Variants in LNX1 observed in about 807,000 individuals in gnomAD.
LNX1 encodes the protein ligand of numb-protein X 1, also known as E3 ubiquitin-protein ligase LNX.
A neutral mutation model predicts 68.4 loss-of-function variants in LNX1; 54 were observed. The observed-to-expected ratio is 0.79, with a 90% confidence interval of 0.63 to 0.99. The LOEUF (loss-of-function observed/expected upper bound fraction) is 0.99, where lower values mean the gene tolerates loss of function less well. LNX1 is among the 50% of genes least tolerant of loss of function. The pLI, the probability that LNX1 is intolerant of heterozygous loss-of-function variation, is 0.00. For synonymous variants in LNX1, 336 were observed against 350.0 expected (o/e 0.96, Z 0.45); for missense variants, 906 against 926.4 (o/e 0.98, Z 0.29).
chr4:53,495,993 A>C (rs368283407), intron 6 of LNX1, 30 bp downstream of exon 6: 9 of 1,591,226 alleles, frequency 5.7e-6, no homozygotes, highest in East Asian at 2.2e-5. Context: ...GGGGTTTCTG[A>C]CTGGGATCCT....
intron 1 of LNX1, among the ~76,000 whole-genome samples, chr4:53,648,058 T>G (rs1307210147): frequency 1.3e-5 from 2 of 152,392 alleles, no homozygotes; most frequent in East Asian, 3.9e-4. Flanking sequence ...AATGCTGCCA[T>G]AAATATGGGA....
intron 1 of LNX1, among the ~76,000 whole-genome samples, chr4:53,634,202 C>T (rs1391392952): frequency 6.6e-6 from 1 of 151,726 alleles, no homozygotes; most frequent in Non-Finnish European, 1.5e-5. Context: ...TTTCACAAGC[C>T]CAGTGGAATG....
chr4:53,508,343 T>G, intron 2 of LNX1, 116 bp from the exon 3 acceptor site: 4 of 1,288,142 alleles, frequency 3.1e-6, no homozygotes, highest in Non-Finnish European at 4.2e-6. Flanking sequence ...ACTTGGAATT[T>G]GATTTGCCTG....
chr4:53,541,148 A>AAAAAAAAAAAAAAAAAG (rs1560654435), intron 2 of LNX1, among the ~76,000 whole-genome samples: 2 of 140,836 alleles, frequency 1.4e-5, no homozygotes, highest in Non-Finnish European at 1.5e-5. Flanking sequence ...AAAAAAAAAG[A>AAAAAAAAAAAAAAAAAG]AAAAAAAAAA....
At chr4:53,635,123 C>A (rs1294827616) in intron 1 of LNX1, among the ~76,000 whole-genome samples, 1 of 152,192 alleles carries the variant, frequency 6.6e-6, no homozygotes, top group East Asian at 1.9e-4. Flanking sequence ...AGCCATGGTG[C>A]CCAGCCCCTC....
intron 1 of LNX1, chr4:53,575,626 G>T (rs1461579288): frequency 2.6e-5 from 34 of 1,318,124 alleles, no homozygotes; most frequent in Non-Finnish European, 3.3e-5. Flanking sequence ...GCCCGCTTTT[G>T]GCTGCATTGG....
intron 6 of LNX1, among the ~76,000 whole-genome samples, chr4:53,484,872 T>A (rs1273451374): frequency 6.6e-6 from 1 of 152,014 alleles, no homozygotes; most frequent in Non-Finnish European, 1.5e-5. Context: ...GAAGTTGGAG[T>A]CCTCTGCCCA....
Position 53,460,864 on chromosome 4 carries a change from C to CTTA in LNX1, c.*42_*43insTAA. 7.2e-7 allele frequency: 1 copy of CTTA among 1,384,800 alleles called. No individual in the cohort carries two copies. Among genetic ancestry groups the CTTA allele is most frequent in the Non-Finnish European group, 1.0e-6 (1 of 993,174 alleles). 85.8% of individuals were successfully genotyped at this position (1,384,800 alleles called of 1,614,324 possible). ...TAAATATAGTGTTTCAACTTCTTAG[C>CTTA]CTATTTGTGATTTTTCTGTTTTCCT... On this transcript the variant is annotated 3_prime_UTR_variant, in exon 11 of 11. Transcript: ENST00000263925.
At chr4:53,595,924 A>G (rs188978208), upstream of LNX1, among the ~76,000 whole-genome samples, 1 of 152,042 alleles carries the variant, frequency 6.6e-6, no homozygotes, top group Non-Finnish European at 1.5e-5. Context: ...GAATGCCACA[A>G]TTAAAATGGA....
chr4:53,465,093 T>C lies in LNX1; in HGVS notation c.1893-3500A>G, dbSNP rs1722571828. Among the ~76,000 whole-genome samples the C allele has an allele frequency of 1.3e-5, 2 of 152,176 alleles. 1 individual carries two copies. The highest frequency in any genetic ancestry group is 1.3e-4 in the Admixed American group (2 of 15,276). ...TCCAAGCGTCTTGCATTTTGCCCTT[T>C]GATGTTATTGGCCATTGAAAAACAT... is the stretch of plus-strand genomic sequence containing the variant. On this transcript the variant is annotated intron_variant, in intron 9 of 10. Coordinates refer to ENST00000263925, the MANE Select transcript of LNX1 (RefSeq NM_001126328.3).
chr4:53,496,641 C>CT (rs1579411481), intron 5 of LNX1: 2 of 387,624 alleles, frequency 5.2e-6, no homozygotes, highest in East Asian at 7.4e-5. Context: ...CTTACCCAAG[C>CT]CCACATATTT....
At position 53,644,293 on chromosome 4, in the gene LNX1, T is replaced by A. The variant is rs558748116; in HGVS notation, c.-215+7875A>T. Among the ~76,000 whole-genome samples, 12 of 152,060 alleles carry A rather than the reference T, an allele frequency of 7.9e-5. No homozygotes were observed. In the East Asian group the frequency reaches 2.3e-3, roughly 30 times the overall value. On this transcript the variant is annotated intron_variant, in intron 1 of 2. Transcript: ENST00000507168. ...GCATGCTCCTGTAGCCCTAGCTACT[T>A]GGGAGGCTGAGGCACGAAAATCGCT...
At position 53,476,757 on chromosome 4, in the gene LNX1, G is replaced by A. The variant is rs766927614; in HGVS notation, c.1888C>T (p.Pro630Ser). The change falls in exon 9 of 11, where the codon CCA becomes TCA. Residue 630 changes from proline to serine, a missense_variant. By Grantham distance (74) the Pro-to-Ser change is moderately conservative. Transcript: ENST00000263925. ...GGATGTTGTGTTTGGACTTACCGTG[G>A]TAATTCCAGCCACATGACCCAGGAT... ...SPSWVMWLEL[P>S]RCLYNCKDIV... 2 of 1,613,880 alleles carry A rather than the reference G, an allele frequency of 1.2e-6. No individual in the cohort carries two copies. The highest frequency in any genetic ancestry group is 1.1e-5 in the South Asian group (1 of 91,072).
At chr4:53,592,090 C>A (rs1011652488), upstream of LNX1, among the ~76,000 whole-genome samples, 3 of 151,770 alleles carry the variant, frequency 2.0e-5, no homozygotes, top group Non-Finnish European at 4.4e-5. Flanking sequence ...GCTACCCCCT[C>A]CCCCGCCCAG....
chr4:53,625,929 G>A (rs1316285199), intron 1 of LNX1, among the ~76,000 whole-genome samples: 2 of 151,426 alleles, frequency 1.3e-5, no homozygotes, highest in Non-Finnish European at 2.9e-5. Context: ...TACACAAGAT[G>A]TGTACACAAA....
At chr4:53,627,302 G>A (rs1734113350) in intron 1 of LNX1, among the ~76,000 whole-genome samples, 2 of 152,192 alleles carry the variant, frequency 1.3e-5, no homozygotes, top group Admixed American at 6.5e-5. Flanking sequence ...AAGGTACAGG[G>A]TGGTCCTCAG....
intron 4 of LNX1, among the ~76,000 whole-genome samples, chr4:53,504,505 G>A (rs1725733111): frequency 6.6e-6 from 1 of 152,216 alleles, no homozygotes; most frequent in South Asian, 2.1e-4. Context: ...CTCCATATCA[G>A]CAATAAGGCT....
upstream of LNX1, among the ~76,000 whole-genome samples, chr4:53,619,701 G>A (rs1577801850): frequency 6.6e-6 from 1 of 152,298 alleles, no homozygotes; most frequent in African/African-American, 2.4e-5. Flanking sequence ...AAGAACCAAT[G>A]TTTTCAATTC....
intron 1 of LNX1, among the ~76,000 whole-genome samples, chr4:53,625,260 C>T (rs531670885): frequency 1.3e-5 from 2 of 152,160 alleles, no homozygotes; most frequent in African/African-American, 4.8e-5. Context: ...CCTCCAAGGA[C>T]ACTATCAATA....
Sources: gnomAD v4.1 joint callset for allele counts (sites outside exome capture counted in the v4.1 genomes callset) on GRCh38, gnomAD v4.1.1 for gene constraint, MANE v1.5 for transcripts, NCBI Gene and HGNC (gene_info 2026-07-23, HGNC 2026-07-21) for gene names.